Variants in CSMD3 observed in about 807,000 individuals in gnomAD.
The protein encoded by CSMD3 is CUB and sushi domain-containing protein 3.
CSMD3 carries 177 observed loss-of-function variants against 435.2 expected under a neutral mutation model. That is an observed-to-expected ratio of 0.41 (90% CI 0.36 to 0.46). The LOEUF (loss-of-function observed/expected upper bound fraction) is 0.46, where lower values mean the gene tolerates loss of function less well. CSMD3 is among the 20% of genes least tolerant of loss of function. The probability of loss-of-function intolerance (pLI) is 0.34; values close to 1 mark genes in which losing one functional copy is unlikely to be tolerated. For synonymous variants in CSMD3, 1,656 were observed against 1,520.5 expected, an observed-to-expected ratio of 1.09 and a Z score of -2.07; for missense variants, 4,265 against 4,504.6, an observed-to-expected ratio of 0.95 and a Z score of 1.52.
chr8:113,150,746 C>A (rs1346184117), intron 4 of CSMD3, among the ~76,000 whole-genome samples: 1 of 151,874 alleles, frequency 6.6e-6, no homozygotes, highest in Non-Finnish European at 1.5e-5. Flanking sequence ...ATAATTTATT[C>A]ATTACCACTA....
intron 4 of CSMD3, among the ~76,000 whole-genome samples, chr8:113,170,831 G>T (rs2092255172): frequency 6.6e-6 from 1 of 152,024 alleles, no homozygotes; most frequent in African/African-American, 2.4e-5. Context: ...AGTGACCTGG[G>T]TAGACTAAAG....
intron 3 of CSMD3, among the ~76,000 whole-genome samples, chr8:113,268,461 G>T (rs2093490988): frequency 6.6e-6 from 1 of 151,786 alleles, no homozygotes; most frequent in Non-Finnish European, 1.5e-5. Context: ...AGAAATTCAA[G>T]TGTATGGCAG....
In CSMD3 at chr8:113,265,770, A is replaced by T. The variant is rs952745884; in HGVS notation, c.514+12822T>A. On this transcript the variant is annotated intron_variant, in intron 3 of 70. Transcript: ENST00000297405. ...CTGCTTAGAAGGTAGAGAGATACTC[A>T]TGATTTAGCTAAAAAGTCACTTGTG... 3.3e-5 allele frequency among the ~76,000 whole-genome samples: 5 copies of T among 151,650 alleles called. No homozygotes were observed. The East Asian group carries it at 9.6e-4, about 29-fold the overall frequency.
intron 13 of CSMD3, among the ~76,000 whole-genome samples, chr8:112,782,523 G>A (rs1354947910): frequency 6.6e-6 from 1 of 152,054 alleles, no homozygotes; most frequent in African/African-American, 2.4e-5. Flanking sequence ...GGTAGAAAAT[G>A]TATTCAAAGG....
intron 12 of CSMD3, among the ~76,000 whole-genome samples, chr8:112,826,420 G>C (rs2132459660): frequency 6.6e-6 from 1 of 152,274 alleles, no homozygotes; most frequent in South Asian, 2.1e-4. Context: ...TTGAGAATCT[G>C]TGTGGATCTC....
intron 6 of CSMD3, among the ~76,000 whole-genome samples, chr8:112,997,581 T>A (rs1337251419): frequency 6.6e-6 from 1 of 151,688 alleles, no homozygotes; most frequent in Non-Finnish European, 1.5e-5. Flanking sequence ...GGTGAGAATT[T>A]GATGGTCAAG....
intron 22 of CSMD3, among the ~76,000 whole-genome samples, chr8:112,612,784 C>G (rs1833367857): frequency 7.6e-6 from 1 of 130,932 alleles, no homozygotes; most frequent in African/African-American, 2.8e-5. Context: ...GTGGCTCCAT[C>G]ATACCTCACT....
chr8:113,119,577 G>T (rs1200178817), intron 4 of CSMD3, among the ~76,000 whole-genome samples: 1 of 152,118 alleles, frequency 6.6e-6, no homozygotes, highest in African/African-American at 2.4e-5. Context: ...AGAAACCAAA[G>T]ACATAAAAAC....
At chr8:112,817,147 T>A (rs951982378) in intron 12 of CSMD3, among the ~76,000 whole-genome samples, 2 of 152,146 alleles carry the variant, frequency 1.3e-5, no homozygotes, top group Non-Finnish European at 2.9e-5. Flanking sequence ...CTTGTTTTCA[T>A]TTAGTTCTTA....
intron 30 of CSMD3, among the ~76,000 whole-genome samples, chr8:112,497,632 G>T (rs901585229): frequency 1.3e-5 from 2 of 151,742 alleles, no homozygotes; most frequent in African/African-American, 4.8e-5. Flanking sequence ...AAAAGACAAA[G>T]AAAAATATTT....
intron 42 of CSMD3, among the ~76,000 whole-genome samples, chr8:112,338,241 A>C (rs1300794666): frequency 6.6e-6 from 1 of 150,974 alleles, no homozygotes; most frequent in African/African-American, 2.4e-5. Context: ...GCACTGGAAA[A>C]AAATTTTATT....
At chr8:113,102,770 G>A (rs2090367340) in intron 4 of CSMD3, among the ~76,000 whole-genome samples, 1 of 152,112 alleles carries the variant, frequency 6.6e-6, no homozygotes, top group Non-Finnish European at 1.5e-5. Context: ...GGGGCTATCT[G>A]GTACCAAATC....
chr8:112,265,178 A>T (rs937081307), intron 60 of CSMD3, among the ~76,000 whole-genome samples: 1 of 151,992 alleles, frequency 6.6e-6, no homozygotes, highest in African/African-American at 2.4e-5. Context: ...TTTTTGTTAC[A>T]TTAAAGCTTA....
rs1025726715 is a variant in CSMD3 at position 113,314,903 on chromosome 8, A to G, written c.179-110T>C. 8 of 711,686 alleles carry G rather than the reference A, an allele frequency of 1.1e-5. No individual in the cohort carries two copies. The Admixed American group carries it at 1.8e-4, about 16-fold the overall frequency. 44.1% of individuals were successfully genotyped at this position (711,686 alleles called of 1,614,324 possible). A position where few individuals can be genotyped will look rare whatever the true frequency, so the allele number is the denominator to read the frequency against. ...CATTTCCAAGACCAAAGTTAACAAT[A>G]ATTTTATAAATGGCAGTTTAAGAGC... is the stretch of plus-strand genomic sequence containing the variant. On this transcript the variant is annotated intron_variant, in intron 1 of 70. Transcript: ENST00000297405.
At chr8:112,863,097 A>C (rs2080871767) in intron 10 of CSMD3, among the ~76,000 whole-genome samples, 1 of 151,892 alleles carries the variant, frequency 6.6e-6, no homozygotes, top group South Asian at 2.1e-4. Context: ...CCTGGGTGTT[A>C]CTAATATTAA....
chr8:112,441,925 C>T (rs1158254750), intron 32 of CSMD3, among the ~76,000 whole-genome samples: 1 of 143,868 alleles, frequency 7.0e-6, no homozygotes, highest in Non-Finnish European at 1.6e-5. Flanking sequence ...CAGACCATAT[C>T]AGATTTTTTT....
intron 1 of CSMD3, among the ~76,000 whole-genome samples, chr8:113,396,653 A>G (rs1400144702): frequency 2.6e-5 from 4 of 152,150 alleles, no homozygotes; most frequent in Non-Finnish European, 5.9e-5. Context: ...AGTACTTTTG[A>G]GTAAATGTTT....
rs1490607610 is a variant in CSMD3 at position 112,237,469 on chromosome 8, G to A, written c.10469-121C>T. The A allele has an allele frequency of 3.9e-5, 29 of 744,158 alleles. 1 individual carries two copies. The South Asian group carries it at 4.3e-4, about 11-fold the overall frequency. 46.1% of individuals were successfully genotyped at this position (744,158 alleles called of 1,614,324 possible). A position where few individuals can be genotyped will look rare whatever the true frequency, so the allele number is the denominator to read the frequency against. On this transcript the variant is annotated intron_variant, in intron 66 of 70. Coordinates refer to ENST00000297405, the MANE Select transcript of CSMD3 (RefSeq NM_198123.2). ...GCTAATACACAATAATGTTGAATGT[G>A]TGTTACAAAATTAATTCTTCATATA...
chr8:113,098,735 T>A, intron 5 of CSMD3, 21 bp downstream of exon 5: 2 of 1,499,654 alleles, frequency 1.3e-6, no homozygotes, highest in Non-Finnish European at 1.9e-6. Flanking sequence ...AATGCAAGGT[T>A]AATAGAAGCT....
Sources: gnomAD v4.1 joint callset for allele counts (sites outside exome capture counted in the v4.1 genomes callset) on GRCh38, gnomAD v4.1.1 for gene constraint, MANE v1.5 for transcripts, NCBI Gene and HGNC (gene_info 2026-07-23, HGNC 2026-07-21) for gene names.